Variants in CCDC73 observed in about 807,000 individuals in gnomAD.
CCDC73 encodes the protein coiled-coil domain-containing protein 73.
A neutral mutation model predicts 116.5 loss-of-function variants in CCDC73; 95 were observed. The ratio of observed to expected loss-of-function variants is 0.82; its 90% CI spans 0.69 to 0.97. The LOEUF (loss-of-function observed/expected upper bound fraction) is 0.97. CCDC73 is among the 50% of genes least tolerant of loss of function. CCDC73 has a pLI of 0.00. For synonymous variants in CCDC73, 398 were observed against 401.3 expected (o/e 0.99, Z 0.10); for missense variants, 1,066 against 1,206.8 (o/e 0.88, Z 1.73).
intron 1 of CCDC73, among the ~76,000 whole-genome samples, chr11:32,775,316 C>T (rs998672342): frequency 2.0e-5 from 3 of 152,144 alleles, no homozygotes; most frequent in South Asian, 2.1e-4. Flanking sequence ...GTCTGGAATG[C>T]TCTATATCCA....
Position 32,711,063 on chromosome 11 carries a change from G to C in CCDC73, c.207+7013C>G, listed in dbSNP as rs577174856. Among the ~76,000 whole-genome samples, 3 of 152,242 alleles carry C rather than the reference G, an allele frequency of 2.0e-5. No individual in the cohort carries two copies. The East Asian group carries it at 5.8e-4, about 29-fold the overall frequency. The stretch of plus-strand genomic sequence containing the variant: ...AAATGCTCAACATCAGTAATGATCA[G>C]GGAAATGCAAATCAAAACCACAATG... On this transcript the variant is annotated intron_variant, in intron 3 of 17. Coordinates refer to ENST00000335185, the MANE Select transcript of CCDC73 (RefSeq NM_001008391.4).
intron 2 of CCDC73, among the ~76,000 whole-genome samples, chr11:32,736,991 T>C (rs1425891226): frequency 6.7e-6 from 1 of 149,780 alleles, no homozygotes; most frequent in Non-Finnish European, 1.5e-5. Flanking sequence ...TATGTATATA[T>C]GTATATATAT....
intron 2 of CCDC73, among the ~76,000 whole-genome samples, chr11:32,759,809 C>T (rs1367658634): frequency 6.6e-6 from 1 of 152,162 alleles, no homozygotes; most frequent in East Asian, 1.9e-4. Context: ...TTTTCATCAG[C>T]CATGTGTCTA....
At chr11:32,653,043 T>C (rs1325153739) in intron 12 of CCDC73, 80 bp downstream of exon 12, 3 of 812,750 alleles carry the variant, frequency 3.7e-6, no homozygotes, top group Non-Finnish European at 5.9e-6. Context: ...GACAGAAAAA[T>C]AAACTAAACA....
At chr11:32,644,041 A>G (rs1393721500) in intron 12 of CCDC73, among the ~76,000 whole-genome samples, 1 of 152,064 alleles carries the variant, frequency 6.6e-6, no homozygotes, top group Non-Finnish European at 1.5e-5. Flanking sequence ...ACTGAGACAC[A>G]TCATCACAGC....
chr11:32,774,800 G>C, intron 1 of CCDC73, among the ~76,000 whole-genome samples: 1 of 152,204 alleles, frequency 6.6e-6, no homozygotes, highest in South Asian at 2.1e-4. Context: ...TCCTAGCATA[G>C]GTACAGCACA....
At chr11:32,606,933 C>T (rs1159138964) in intron 17 of CCDC73, among the ~76,000 whole-genome samples, 2 of 150,914 alleles carry the variant, frequency 1.3e-5, no homozygotes, top group African/African-American at 2.4e-5. Context: ...CCTGCCACCA[C>T]ACCCGGACAG....
At chr11:32,804,476 A>G in the CCDC73 span, among the ~76,000 whole-genome samples, 1 of 152,220 alleles carries the variant, frequency 6.6e-6, no homozygotes, top group African/African-American at 2.4e-5. Flanking sequence ...AGTTTTCTTT[A>G]CAAACTAGAA....
chr11:32,641,932 A>G, intron 13 of CCDC73, 40 bp downstream of exon 13: 1 of 1,297,188 alleles, frequency 7.7e-7, no homozygotes. Flanking sequence ...GTCTAAAACT[A>G]TTTAAAATAT....
At chr11:32,755,536 AATAT>A (rs375204188) in intron 2 of CCDC73, among the ~76,000 whole-genome samples, 4,373 of 59,896 alleles carry the variant, frequency 0.073, 495 homozygotes, top group South Asian at 0.2. Context: ...TCCATCTCAA[AATAT>A]ATATATATAT....
chr11:32,810,340 C>G, the CCDC73 span, among the ~76,000 whole-genome samples: 4 of 152,152 alleles, frequency 2.6e-5, no homozygotes, highest in Non-Finnish European at 5.9e-5. Flanking sequence ...TACATGACTA[C>G]TTGCTTTTTG....
intron 2 of CCDC73, among the ~76,000 whole-genome samples, chr11:32,718,577 A>G (rs765017377): frequency 3.9e-5 from 6 of 152,174 alleles, no homozygotes; most frequent in Non-Finnish European, 5.9e-5. Context: ...AAAATCCTAT[A>G]AAAGTTTTCC....
At chr11:32,654,705 TA>T (rs921935125) in intron 10 of CCDC73, 138 bp downstream of exon 10, 102 of 669,140 alleles carry the variant, frequency 1.5e-4, no homozygotes, top group Non-Finnish European at 2.2e-4. Context: ...CAAAAATTAA[TA>T]AAAAAACAGA....
At chr11:32,727,419 G>C (rs1335542977) in intron 2 of CCDC73, among the ~76,000 whole-genome samples, 3 of 152,100 alleles carry the variant, frequency 2.0e-5, no homozygotes, top group Non-Finnish European at 4.4e-5. Flanking sequence ...CCAGAGGGAG[G>C]AATAGCAAAC....
At chr11:32,813,990 G>A in the CCDC73 span, among the ~76,000 whole-genome samples, 2 of 152,180 alleles carry the variant, frequency 1.3e-5, no homozygotes, top group Non-Finnish European at 2.9e-5. Flanking sequence ...AAGGAGAATT[G>A]AATCTTTCCA....
At chr11:32,675,734 A>G in intron 8 of CCDC73, 90 bp from the exon 9 acceptor site, 1 of 1,218,996 alleles carries the variant, frequency 8.2e-7, no homozygotes, top group Non-Finnish European at 1.2e-6. Flanking sequence ...AACAGTAACA[A>G]TGCAATATAT....
At chr11:32,657,183 C>T (rs1244593011) in intron 9 of CCDC73, among the ~76,000 whole-genome samples, 1 of 152,160 alleles carries the variant, frequency 6.6e-6, no homozygotes, top group Non-Finnish European at 1.5e-5. Flanking sequence ...CTAATACCTT[C>T]AAAGTTCTAC....
intron 3 of CCDC73, among the ~76,000 whole-genome samples, chr11:32,708,734 G>T (rs1373361975): frequency 6.6e-6 from 1 of 152,160 alleles, no homozygotes; most frequent in Non-Finnish European, 1.5e-5. Context: ...GTGTAAAGCA[G>T]AGCTACTGAT....
At chr11:32,693,331 T>C (rs1358220066) in intron 6 of CCDC73, among the ~76,000 whole-genome samples, 1 of 152,232 alleles carries the variant, frequency 6.6e-6, no homozygotes, top group Non-Finnish European at 1.5e-5. Flanking sequence ...GAAATTTTAT[T>C]TAAGTTTCAA....
Sources: allele counts gnomAD v4.1 joint callset (sites outside exome capture counted in the v4.1 genomes callset), GRCh38; gene constraint gnomAD v4.1.1; transcripts MANE v1.5; gene names NCBI Gene and HGNC (gene_info 2026-07-23, HGNC 2026-07-21).